Variants in DGKG observed in about 807,000 individuals in gnomAD.
DGKG encodes the protein diacylglycerol kinase gamma.
A neutral mutation model predicts 105.3 loss-of-function variants in DGKG; 78 were observed. That is an observed-to-expected ratio of 0.74 (90% CI 0.62 to 0.89). DGKG has a LOEUF of 0.89. Among genes scored for constraint, DGKG ranks in the 40% least tolerant of loss-of-function variants. The pLI, the probability that DGKG is intolerant of heterozygous loss-of-function variation, is 0.00. For missense variants in DGKG, 958 were observed against 1,020.1 expected (o/e 0.94, Z 0.83); for synonymous variants, 346 against 367.1 (o/e 0.94, Z 0.66).
chr3:186,219,724 A>C (rs1463535282), intron 20 of DGKG, among the ~76,000 whole-genome samples: 1 of 152,118 alleles, frequency 6.6e-6, no homozygotes, highest in African/African-American at 2.4e-5. Context: ...AGGAAAGGGG[A>C]GATCTCAAGA....
At chr3:186,273,103 A>T (rs1175393960) in intron 10 of DGKG, among the ~76,000 whole-genome samples, 1 of 152,116 alleles carries the variant, frequency 6.6e-6, no homozygotes, top group African/African-American at 2.4e-5. Context: ...TCTGAAATTC[A>T]GGGTTTTCTG....
At chr3:186,160,787 C>T in intron 24 of DGKG, 1 of 985,430 alleles carries the variant, frequency 1.0e-6, no homozygotes, top group East Asian at 1.1e-4. Flanking sequence ...ACGACGATTG[C>T]TCTTCACCAC....
At chr3:186,287,063 G>T (rs374116739) in intron 6 of DGKG, among the ~76,000 whole-genome samples, 20 of 27,976 alleles carry the variant, frequency 7.1e-4, no homozygotes, top group African/African-American at 1.5e-3. Context: ...AATAAATAAA[G>T]GAAAAAATTA....
intron 22 of DGKG, among the ~76,000 whole-genome samples, chr3:186,167,987 A>G (rs540846083): frequency 1.3e-5 from 2 of 152,224 alleles, no homozygotes; most frequent in Admixed American, 1.3e-4. Context: ...GGCAAAGTAC[A>G]GAAGGCAGGT....
chr3:186,196,833 G>T (rs917940292), intron 21 of DGKG, among the ~76,000 whole-genome samples: 5 of 152,172 alleles, frequency 3.3e-5, no homozygotes, highest in African/African-American at 1.2e-4. Context: ...GCTTAACCAG[G>T]GACTCTGGGG....
chr3:186,357,660 T>C (rs1263458628), intron 1 of DGKG, among the ~76,000 whole-genome samples: 2 of 152,200 alleles, frequency 1.3e-5, no homozygotes, highest in Admixed American at 1.3e-4. Flanking sequence ...TAAGTGCTAT[T>C]GCTAATATTA....
intron 1 of DGKG, among the ~76,000 whole-genome samples, chr3:186,346,810 A>G (rs1726358235): frequency 6.6e-6 from 1 of 152,156 alleles, no homozygotes; most frequent in Non-Finnish European, 1.5e-5. Context: ...TCATTTCTTA[A>G]ATGTAAAGTC....
intron 20 of DGKG, among the ~76,000 whole-genome samples, chr3:186,238,061 G>A (rs866839919): frequency 6.6e-6 from 1 of 152,040 alleles, no homozygotes; most frequent in African/African-American, 2.4e-5. Context: ...CGGAGGCCAT[G>A]GCAGGCAAAT....
At chr3:186,308,060 G>A (rs1407084346) in intron 2 of DGKG, among the ~76,000 whole-genome samples, 1 of 151,940 alleles carries the variant, frequency 6.6e-6, no homozygotes, top group Non-Finnish European at 1.5e-5. Flanking sequence ...GAAAGTTGAG[G>A]CCTCCACCCC....
At chr3:186,321,784 G>GGA (rs569663151) in intron 1 of DGKG, among the ~76,000 whole-genome samples, 2 of 152,126 alleles carry the variant, frequency 1.3e-5, no homozygotes, top group East Asian at 1.9e-4. Flanking sequence ...GGAAGATGCT[G>GGA]GAGAGAGAGA....
intron 6 of DGKG, among the ~76,000 whole-genome samples, chr3:186,287,975 AT>A (rs939218194): frequency 6.6e-6 from 1 of 152,128 alleles, no homozygotes; most frequent in Non-Finnish European, 1.5e-5. Context: ...GTCATCTCCT[AT>A]TTTTTTAGAA....
chr3:186,196,000 C>T (rs925312279), intron 21 of DGKG, among the ~76,000 whole-genome samples: 1 of 152,052 alleles, frequency 6.6e-6, no homozygotes, highest in Non-Finnish European at 1.5e-5. Flanking sequence ...TTGTCTTGAC[C>T]CATTAATATA....
chr3:186,243,895 G>GTTTTTTTTT (rs34134152), intron 19 of DGKG, among the ~76,000 whole-genome samples: 9 of 116,322 alleles, frequency 7.7e-5, no homozygotes, highest in East Asian at 2.4e-4. Context: ...AAATTTCTGT[G>GTTTTTTTTT]TTTTTTTTTT....
At chr3:186,307,102 A>T in intron 2 of DGKG, 125 bp from the exon 3 acceptor site, 1 of 678,996 alleles carries the variant, frequency 1.5e-6, no homozygotes, top group East Asian at 2.6e-5. Context: ...AATCTGGAGA[A>T]ATGTCACCCT....
intron 10 of DGKG, among the ~76,000 whole-genome samples, chr3:186,274,344 T>C (rs982264556): frequency 2.6e-5 from 4 of 152,156 alleles, no homozygotes; most frequent in South Asian, 2.1e-4. Context: ...CATGCCACCA[T>C]GCCCAGCTAA....
At position 186,261,761 on chromosome 3, in the gene DGKG, G is replaced by A; in HGVS notation, c.1287C>T (p.Thr429=). ...AGACCAGCAGGGGGTGGGTACCCGGGGTGGGGATGATCTTATACTTGAAAG... is the reference window on the plus strand; with the variant it reads ...AGACCAGCAGGGGGTGGGTACCCGGAGTGGGGATGATCTTATACTTGAAAG... The part of the protein sequence containing the change: ...ELVMQYKIIP[T]PGTHPLLVLV... Residue 429 remains threonine, a synonymous_variant, in exon 15 of 25, where the codon ACC becomes ACT. Coordinates refer to ENST00000265022, the MANE Select transcript of DGKG (RefSeq NM_001346.3). The A allele has an allele frequency of 6.2e-7, 1 of 1,605,304 alleles. No homozygotes were observed. Among genetic ancestry groups the A allele is most frequent in the South Asian group, 1.1e-5 (1 of 88,986 alleles).
chr3:186,208,475 C>T (rs1020954386), intron 21 of DGKG, among the ~76,000 whole-genome samples: 1 of 151,688 alleles, frequency 6.6e-6, no homozygotes, highest in African/African-American at 2.4e-5. Flanking sequence ...ATAGACTTCA[C>T]TGTTTCCCTA....
At chr3:186,161,709 G>A (rs1409447643) in intron 23 of DGKG, 46 bp from the exon 24 acceptor site, 10 of 1,613,686 alleles carry the variant, frequency 6.2e-6, no homozygotes, top group Non-Finnish European at 8.5e-6. Flanking sequence ...TTTTCAAGTG[G>A]GAGAATCAAG....
chr3:186,182,820 G>A (rs966458655), intron 22 of DGKG, among the ~76,000 whole-genome samples: 10 of 151,890 alleles, frequency 6.6e-5, no homozygotes, highest in South Asian at 2.1e-4. Flanking sequence ...TCCAACAAAC[G>A]TTTCTGTAGA....
Sources: allele counts gnomAD v4.1 joint callset (sites outside exome capture counted in the v4.1 genomes callset), GRCh38; gene constraint gnomAD v4.1.1; transcripts MANE v1.5; gene names NCBI Gene and HGNC (gene_info 2026-07-23, HGNC 2026-07-21).